Variants in DMD observed in about 807,000 individuals in gnomAD.
DMD encodes the protein mutant dystrophin.
In DMD, 63 loss-of-function variants were observed where a neutral mutation model predicts 330.1. That is an observed-to-expected ratio of 0.19 (90% CI 0.16 to 0.24). The LOEUF is 0.24. Ranked by LOEUF, DMD falls within the 10% of genes least tolerant of loss-of-function variation. The pLI, the probability that DMD is intolerant of heterozygous loss-of-function variation, is 1.00. For synonymous variants in DMD, 1,223 were observed against 959.8 expected, an observed-to-expected ratio of 1.27 and a Z score of -5.07; for missense variants, 3,344 against 2,684.1, an observed-to-expected ratio of 1.25 and a Z score of -5.43.
At position 32,928,028 on chromosome X, in the gene DMD, G is replaced by A. The variant is rs200596029; in HGVS notation, c.94-78208C>T. 8.2e-5 allele frequency among the ~76,000 whole-genome samples: 9 copies of A among 110,368 alleles called. No homozygotes were observed. In the East Asian group the frequency reaches 2.5e-3, roughly 31 times the overall value. On this transcript the variant is annotated intron_variant, in intron 2 of 78. Coordinates refer to ENST00000357033, the MANE Select transcript of DMD (RefSeq NM_004006.3). ...CTTTAGCAAATATATATAATCAATT[G>A]TATGCATGATTTTGATAAGAAATTG...
chrX:31,541,800 G>A (rs947392803), intron 55 of DMD, among the ~76,000 whole-genome samples: 2 of 110,829 alleles, frequency 1.8e-5, no homozygotes, highest in African/African-American at 6.6e-5. Flanking sequence ...ATAAACATAC[G>A]TGTGCAGGTG....
At chrX:32,012,456 C>T (rs1265910540) in intron 44 of DMD, among the ~76,000 whole-genome samples, 1 of 111,927 alleles carries the variant, frequency 8.9e-6, no homozygotes, top group African/African-American at 3.2e-5. Context: ...TTTGTTTCTG[C>T]ATTTACCCGG....
At chrX:33,042,268 A>C (rs1042515462) in intron 1 of DMD, among the ~76,000 whole-genome samples, 3 of 111,870 alleles carry the variant, frequency 2.7e-5, no homozygotes, top group Non-Finnish European at 1.9e-5. Flanking sequence ...CCTTCTCAAC[A>C]GCCTAGGATG....
At chrX:31,465,316 A>G (rs1205987441) in intron 59 of DMD, among the ~76,000 whole-genome samples, 1 of 110,639 alleles carries the variant, frequency 9.0e-6, no homozygotes, top group Non-Finnish European at 1.9e-5. Flanking sequence ...TCAACCTGTC[A>G]TCTACATTAG....
intron 29 of DMD, among the ~76,000 whole-genome samples, chrX:32,415,020 G>T (rs1301959187): frequency 3.6e-5 from 4 of 111,642 alleles, no homozygotes; most frequent in Admixed American, 1.9e-4. Context: ...CTCTTCCAAA[G>T]AAATGGATCT....
intron 7 of DMD, among the ~76,000 whole-genome samples, chrX:32,801,603 T>C (rs2076570530): frequency 1.8e-5 from 2 of 112,024 alleles, no homozygotes; most frequent in South Asian, 7.4e-4. Flanking sequence ...TCCTGAAAGG[T>C]ATTGCCTAGG....
In DMD at chrX:32,518,025, A is replaced by T. The variant is rs1271843078; in HGVS notation, c.2275T>A (p.Leu759Ile). 1.7e-6 allele frequency: 2 copies of T among 1,209,046 alleles called. No homozygotes were observed. Among genetic ancestry groups the T allele is most frequent in the African/African-American group, 3.5e-5 (2 of 57,184 alleles). Reference protein sequence around the residue: ...IFRKEGNFSDLKEKVNAIERE... With the variant: ...IFRKEGNFSDIKEKVNAIERE... The stretch of plus-strand genomic sequence containing the variant: ...TAACCTACATTGACTTTTTCTTTTA[A>T]GTCTGAGAAGTTGCCTTCCTTCCGA... Residue 759 changes from leucine (L) to isoleucine (I), a missense_variant, in exon 18 of 79, where the codon TTA becomes ATA. Physicochemically the swap from Leu to Ile is conservative, Grantham distance 5. Coordinates refer to ENST00000357033, the MANE Select transcript of DMD (RefSeq NM_004006.3).
chrX:31,589,781 G>A (rs1322289428), intron 55 of DMD, among the ~76,000 whole-genome samples: 1 of 111,536 alleles, frequency 9.0e-6, no homozygotes. Flanking sequence ...TTATGAGAGT[G>A]AGAAATTACT....
At chrX:32,788,725 A>T (rs758150956) in intron 7 of DMD, among the ~76,000 whole-genome samples, 47 of 111,439 alleles carry the variant, frequency 4.2e-4, no homozygotes, top group Non-Finnish European at 7.7e-4. Context: ...CATTAATATC[A>T]GAGATCATAA....
intron 55 of DMD, among the ~76,000 whole-genome samples, chrX:31,620,360 T>C (rs1301154856): frequency 9.1e-6 from 1 of 109,987 alleles, no homozygotes; most frequent in Non-Finnish European, 1.9e-5. Context: ...TTGAAAAGAG[T>C]TTTTCATGAT....
chrX:32,231,197 A>C (rs898077490), intron 43 of DMD, among the ~76,000 whole-genome samples: 3 of 112,537 alleles, frequency 2.7e-5, no homozygotes, highest in Admixed American at 9.4e-5. Context: ...ACAGCTACAA[A>C]AAAATTTAAC....
chrX:31,293,218 T>TGTGTAGTCTGGTTTA (rs2053888806), intron 62 of DMD, among the ~76,000 whole-genome samples: 10 of 95,873 alleles, frequency 1.0e-4, no homozygotes, highest in African/African-American at 4.4e-4. Context: ...TGTGTGTGTG[T>TGTGTAGTCTGGTTTA]GTGTGTGTGT....
At chrX:32,938,723 T>C (rs1471261332) in intron 2 of DMD, among the ~76,000 whole-genome samples, 1 of 111,711 alleles carries the variant, frequency 9.0e-6, no homozygotes, top group Non-Finnish European at 1.9e-5. Context: ...GCCAAACGAC[T>C]GTATTAGATT....
intron 61 of DMD, among the ~76,000 whole-genome samples, chrX:31,341,272 T>C (rs1182380367): frequency 8.9e-6 from 1 of 112,205 alleles, no homozygotes; most frequent in Non-Finnish European, 1.9e-5. Context: ...TACAGCCATA[T>C]TTCACCGAAT....
chrX:32,992,096 A>G lies in DMD; in HGVS notation c.93+28043T>C, dbSNP rs768806738. Among the ~76,000 whole-genome samples, 444 of 112,231 alleles carry G rather than the reference A, an allele frequency of 4.0e-3. 1 individual carries two copies. The highest frequency in any genetic ancestry group is 5.6e-3 in the Non-Finnish European group (300 of 53,274). On this transcript the variant is annotated intron_variant, in intron 2 of 78. Transcript: ENST00000357033. ...TTATTTACATTAAAGACAAATGCAT[A>G]CTTAACAATTTGGAGAAAACAATCA... is the stretch of plus-strand genomic sequence containing the variant.
At chrX:32,952,905 C>T (rs769964142) in intron 2 of DMD, among the ~76,000 whole-genome samples, 2 of 110,060 alleles carry the variant, frequency 1.8e-5, no homozygotes, top group African/African-American at 3.3e-5. Context: ...AAGGCCAAGA[C>T]GGGCAGATCA....
intron 57 of DMD, among the ~76,000 whole-genome samples, chrX:31,496,522 T>C (rs2069868582): frequency 8.9e-6 from 1 of 112,364 alleles, no homozygotes; most frequent in Admixed American, 9.4e-5. Context: ...TTCTGTCTAC[T>C]TTTGTATATG....
intron 16 of DMD, among the ~76,000 whole-genome samples, chrX:32,556,002 G>A (rs2050257156): frequency 8.9e-6 from 1 of 111,912 alleles, no homozygotes; most frequent in Non-Finnish European, 1.9e-5. Context: ...CTTCTGCACA[G>A]CAAAATAAAC....
intron 1 of DMD, among the ~76,000 whole-genome samples, chrX:33,103,465 T>G (rs1478685023): frequency 9.0e-6 from 1 of 111,111 alleles, no homozygotes; most frequent in Non-Finnish European, 1.9e-5. Flanking sequence ...CATTACCTTG[T>G]GAAATTCCTT....
Sources: allele counts gnomAD v4.1 joint callset (sites outside exome capture counted in the v4.1 genomes callset), GRCh38; gene constraint gnomAD v4.1.1; transcripts MANE v1.5; gene names NCBI Gene and HGNC (gene_info 2026-07-23, HGNC 2026-07-21).